CFAP251: variants seen among roughly 807,000 people sequenced by gnomAD.
CFAP251 encodes the protein cilia- and flagella-associated protein 251.
In CFAP251, 93 loss-of-function variants were observed where a neutral mutation model predicts 126.7. The observed-to-expected ratio is 0.73, with a 90% CI of 0.62 to 0.87. The LOEUF (loss-of-function observed/expected upper bound fraction) is 0.87. Among genes scored for constraint, CFAP251 ranks in the 40% least tolerant of loss-of-function variants. CFAP251 has a pLI of 0.00. For synonymous variants in CFAP251, 503 were observed against 506.9 expected (o/e 0.99, Z 0.10); for missense variants, 1,287 against 1,389.2 (o/e 0.93, Z 1.17).
At chr12:121,969,302 C>G (rs926301137) in intron 17 of CFAP251, 34 of 985,298 alleles carry the variant, frequency 3.5e-5, no homozygotes, top group Non-Finnish European at 4.1e-5. Context: ...GCTCTGACTT[C>G]CACCCCACCT....
At chr12:122,001,362 T>A (rs1270105026) in intron 20 of CFAP251, 135 bp from the exon 21 acceptor site, 1 of 823,342 alleles carries the variant, frequency 1.2e-6, no homozygotes, top group Non-Finnish European at 2.0e-6. Flanking sequence ...AGCCTAAATT[T>A]TTTTTTCAAT....
intron 15 of CFAP251, among the ~76,000 whole-genome samples, chr12:121,963,678 C>T (rs745956338): frequency 1.3e-5 from 2 of 148,926 alleles, no homozygotes; most frequent in Admixed American, 6.8e-5. Context: ...GAAACACTGA[C>T]GATTGTGCCT....
At chr12:121,922,456 T>C (rs1048006857) in intron 2 of CFAP251, among the ~76,000 whole-genome samples, 2 of 152,100 alleles carry the variant, frequency 1.3e-5, no homozygotes, top group African/African-American at 4.8e-5. Context: ...ATGAGTGCAG[T>C]GAGTGAAAGA....
chr12:121,984,500 G>A (rs1386307178), intron 19 of CFAP251, among the ~76,000 whole-genome samples: 1 of 152,034 alleles, frequency 6.6e-6, no homozygotes, highest in Non-Finnish European at 1.5e-5. Flanking sequence ...TAGAAACGGG[G>A]TTTCACGGTG....
intron 2 of CFAP251, among the ~76,000 whole-genome samples, chr12:121,922,477 A>T (rs1880226675): frequency 6.6e-6 from 1 of 151,950 alleles, no homozygotes; most frequent in African/African-American, 2.4e-5. Flanking sequence ...TGCACAGGAG[A>T]TGAAACAGGG....
chr12:121,999,927 G>T lies in CFAP251; in HGVS notation c.3218G>T (p.Arg1073Ile). 1.2e-6 allele frequency: 2 copies of T among 1,613,506 alleles called. No individual in the cohort carries two copies. Among genetic ancestry groups the T allele is most frequent in the South Asian group, 1.1e-5 (1 of 91,070 alleles). The change falls in exon 20 of 22, where the codon AGA (arginine) becomes ATA (isoleucine). Residue 1073 changes from arginine to isoleucine, a missense_variant. Coordinates refer to ENST00000288912, the MANE Select transcript of CFAP251 (RefSeq NM_144668.6). ...GCCATTCGAAGAGAGGACTTCCTGA[G>T]ACTGCTCGTTACTAAAGGTAAGCAC... ...KKAIRREDFL[R>I]LLVTKGEHMT... is the part of the protein sequence containing the mutation.
Position 121,968,082 on chromosome 12 carries a change from C to T in CFAP251, c.2684C>T (p.Ala895Val). 1 of 1,613,682 alleles carries T rather than the reference C, an allele frequency of 6.2e-7. No individual in the cohort carries two copies. The highest frequency in any genetic ancestry group is 8.5e-7 in the Non-Finnish European group (1 of 1,179,646). ...SAIVCHPNGV[A>V]GMAVSYDGCY... ...ATTGTTTGCCACCCGAACGGGGTGGCCGGCATGGCCGTTTCCTATGATGGC... is the reference window on the plus strand; with the variant it reads ...ATTGTTTGCCACCCGAACGGGGTGGTCGGCATGGCCGTTTCCTATGATGGC... The change falls in exon 17 of 22, where the codon GCC (alanine) becomes GTC (valine). Residue 895 changes from alanine (A) to valine (V), a missense_variant. Coordinates refer to ENST00000288912, the MANE Select transcript of CFAP251 (RefSeq NM_144668.6).
intron 19 of CFAP251, among the ~76,000 whole-genome samples, chr12:121,978,101 A>T (rs1882514197): frequency 6.6e-6 from 1 of 151,620 alleles, no homozygotes; most frequent in Non-Finnish European, 1.5e-5. Flanking sequence ...TTATATTAAA[A>T]ATTCTCCAAG....
intron 19 of CFAP251, among the ~76,000 whole-genome samples, chr12:121,977,925 CT>C (rs1228091698): frequency 3.3e-5 from 5 of 151,100 alleles, no homozygotes; most frequent in Admixed American, 2.6e-4. Flanking sequence ...CGCCACTGCA[CT>C]CCAGCCTGGG....
At chr12:121,928,688 ACGTATATATATATATATT>A (rs1880549659) in intron 3 of CFAP251, among the ~76,000 whole-genome samples, 5 of 29,036 alleles carry the variant, frequency 1.7e-4, no homozygotes, top group South Asian at 7.7e-4. Context: ...ATATATATAT[ACGTATATATATATATATT>A]TTTTTTTTGA....
intron 19 of CFAP251, among the ~76,000 whole-genome samples, chr12:121,979,499 C>T (rs1407015412): frequency 6.7e-6 from 1 of 150,024 alleles, no homozygotes; most frequent in Non-Finnish European, 1.5e-5. Context: ...TGCGGAGCCG[C>T]CGACATTTGA....
intron 2 of CFAP251, 139 bp from the exon 3 acceptor site, chr12:121,923,483 T>G: frequency 8.6e-7 from 1 of 1,161,994 alleles, no homozygotes; most frequent in Non-Finnish European, 1.2e-6. Context: ...AAGTACAAAA[T>G]GTTCCAGCCT....
At chr12:121,944,963 T>C (rs1165570455) in intron 7 of CFAP251, among the ~76,000 whole-genome samples, 1 of 152,036 alleles carries the variant, frequency 6.6e-6, no homozygotes, top group Non-Finnish European at 1.5e-5. Flanking sequence ...TTTAATTTTT[T>C]TCAGAGACAG....
chr12:121,999,582 G>T, intron 19 of CFAP251, 134 bp from the exon 20 acceptor site: 1 of 631,760 alleles, frequency 1.6e-6, no homozygotes, highest in Non-Finnish European at 2.7e-6. Context: ...GTGATCCTTT[G>T]GCCACGGCCT....
At chr12:121,923,498 T>TA (rs1307965118) in intron 2 of CFAP251, 124 bp from the exon 3 acceptor site, 1 of 1,317,198 alleles carries the variant, frequency 7.6e-7, no homozygotes, top group Non-Finnish European at 1.0e-6. Context: ...CAGCCTCTTT[T>TA]AAAAAACATT....
chr12:121,968,405 C>T (rs1373965008), intron 17 of CFAP251, among the ~76,000 whole-genome samples: 1 of 152,188 alleles, frequency 6.6e-6, no homozygotes, highest in East Asian at 1.9e-4. Flanking sequence ...CTTGGGCTCA[C>T]CCCTGCTCCC....
At chr12:121,977,183 G>A (rs1882481517) in intron 19 of CFAP251, among the ~76,000 whole-genome samples, 1 of 152,170 alleles carries the variant, frequency 6.6e-6, no homozygotes, top group Non-Finnish European at 1.5e-5. Context: ...ACAGCATGCG[G>A]CTGTACTGCA....
intron 2 of CFAP251, among the ~76,000 whole-genome samples, chr12:121,922,263 C>T (rs145314100): frequency 0.011 from 1,665 of 152,080 alleles, 22 homozygotes; most frequent in African/African-American, 0.037. Context: ...TCCGCCACCT[C>T]GCCTGGCTGA....
At chr12:121,966,427 A>ATTTTT (rs1159106051) in intron 15 of CFAP251, among the ~76,000 whole-genome samples, 24 of 54,694 alleles carry the variant, frequency 4.4e-4, no homozygotes, top group East Asian at 1.2e-3. Flanking sequence ...TGCCTGGCTA[A>ATTTTT]TTTTTTTTTT....
Sources: allele counts gnomAD v4.1 joint callset (sites outside exome capture counted in the v4.1 genomes callset), GRCh38; gene constraint gnomAD v4.1.1; transcripts MANE v1.5; gene names NCBI Gene and HGNC (gene_info 2026-07-23, HGNC 2026-07-21).